CABIN1: variants seen among roughly 807,000 people sequenced by gnomAD.
CABIN1 encodes calcineurin-binding protein cabin-1.
CABIN1 carries 133 observed loss-of-function variants against 227.7 expected under a neutral mutation model. The ratio of observed to expected loss-of-function variants is 0.58; its 90% CI spans 0.51 to 0.67. The LOEUF is 0.67. Ranked by LOEUF, CABIN1 falls within the 30% of genes least tolerant of loss-of-function variation. The pLI, the probability that CABIN1 is intolerant of heterozygous loss-of-function variation, is 0.00. For synonymous variants in CABIN1, 1,086 were observed against 1,155.1 expected (o/e 0.94, Z 1.21); for missense variants, 2,408 against 2,852.5 (o/e 0.84, Z 3.55).
chr22:24,124,206 T>C (rs542799271), intron 28 of CABIN1, among the ~76,000 whole-genome samples: 1 of 152,232 alleles, frequency 6.6e-6, no homozygotes, highest in African/African-American at 2.4e-5. Flanking sequence ...AGCAGAATTA[T>C]TGTGTTAATG....
rs2034790194 is a variant in CABIN1 at position 24,011,328 on chromosome 22, G to C, written c.-114G>C. On this transcript the variant is annotated 5_prime_UTR_variant, in exon 1 of 37. Transcript: ENST00000263119. ...TGTCAGGCGCGCAGCCGGACGGCGCGGTGGTCGGGACAGACTGGCCGTTGC... is the reference window on the plus strand; with the variant it reads ...TGTCAGGCGCGCAGCCGGACGGCGCCGTGGTCGGGACAGACTGGCCGTTGC... The C allele has an allele frequency of 6.6e-6, 1 of 152,380 alleles. No homozygotes were observed. Among genetic ancestry groups the C allele is most frequent in the South Asian group, 2.1e-4 (1 of 4,834 alleles). 9.4% of individuals were successfully genotyped at this position (152,380 alleles called of 1,614,324 possible).
Position 24,059,233 on chromosome 22 carries a change from A to G in CABIN1, c.1269A>G (p.Arg423=). The change falls in exon 11 of 37, where the codon AGA becomes AGG. Residue 423 remains arginine, a synonymous_variant. Coordinates refer to ENST00000263119, the MANE Select transcript of CABIN1 (RefSeq NM_012295.4). The part of the protein sequence containing the change: ...LLMKFLPSRL[R]KLDPEEEDDS... The stretch of plus-strand genomic sequence containing the variant: ...TTTGGCATGTTACATGCAGGTTAAG[A>G]AAGCTGGACCCTGAGGAGGAAGATG... 1 of 1,614,234 alleles carries G rather than the reference A, an allele frequency of 6.2e-7. No individual in the cohort carries two copies. Among genetic ancestry groups the G allele is most frequent in the Non-Finnish European group, 8.5e-7 (1 of 1,180,048 alleles).
At chr22:24,072,320 GACAC>G in intron 17 of CABIN1, 30 bp from the exon 18 acceptor site, 1 of 1,613,744 alleles carries the variant, frequency 6.2e-7, no homozygotes, top group Admixed American at 1.7e-5. Flanking sequence ...ACCCTGCTGT[GACAC>G]TTCTGCTGTC....
intron 25 of CABIN1, among the ~76,000 whole-genome samples, chr22:24,097,410 T>G (rs1347293565): frequency 6.6e-6 from 1 of 152,182 alleles, no homozygotes; most frequent in Admixed American, 6.5e-5. Flanking sequence ...AGGTATTGTT[T>G]TAGAGTTTGC....
In CABIN1 at chr22:24,173,527, A is replaced by G. The variant is rs934822352; in HGVS notation, c.6040+1532A>G. The G allele has an allele frequency of 4.9e-4, 75 of 152,338 alleles. 1 individual carries two copies. Among genetic ancestry groups the G allele is most frequent in the African/African-American group, 1.7e-3 (70 of 41,570 alleles). 9.4% of individuals were successfully genotyped at this position (152,338 alleles called of 1,614,324 possible). A position where few individuals can be genotyped will look rare whatever the true frequency, so the allele number is the denominator to read the frequency against. On this transcript the variant is annotated intron_variant, in intron 34 of 36. Transcript: ENST00000263119. Reference sequence around the variant, plus strand: ...GAGGAGCCTGTGAAGGCTTCAGGACAAAGAGCCGTAAAAGAAGTGTAGTGC... The same window carrying G: ...GAGGAGCCTGTGAAGGCTTCAGGACGAAGAGCCGTAAAAGAAGTGTAGTGC...
chr22:24,060,013 C>A lies in CABIN1; in HGVS notation c.1489C>A (p.His497Asn), dbSNP rs780967520. 7 of 1,614,166 alleles carry A rather than the reference C, an allele frequency of 4.3e-6. No individual in the cohort carries two copies. Among genetic ancestry groups the A allele is most frequent in the Admixed American group, 1.7e-5 (1 of 60,014 alleles). The change falls in exon 12 of 37, where the codon CAC (histidine) becomes AAC (asparagine). Residue 497 changes from histidine (H) to asparagine (N), a missense_variant. Physicochemically the swap from His to Asn is moderately conservative, Grantham distance 68. Coordinates refer to ENST00000263119, the MANE Select transcript of CABIN1 (RefSeq NM_012295.4). ...LMMRYLKAMGHKFLVRWPPGL... is the reference protein window; with the variant it reads ...LMMRYLKAMGNKFLVRWPPGL... Reference sequence around the variant, plus strand: ...GATGCGCTACCTGAAAGCCATGGGCCACAAGTTCTTGGTAAGGTGGCCTCC... The same window carrying A: ...GATGCGCTACCTGAAAGCCATGGGCAACAAGTTCTTGGTAAGGTGGCCTCC...
At chr22:24,046,461 GTC>G (rs1398462113) in intron 6 of CABIN1, among the ~76,000 whole-genome samples, 1 of 152,082 alleles carries the variant, frequency 6.6e-6, no homozygotes, top group African/African-American at 2.4e-5. Context: ...GAGGCTTTGA[GTC>G]TCTTCTTGGG....
chr22:24,173,988 GTTT>G (rs201370185), intron 34 of CABIN1, among the ~76,000 whole-genome samples: 1 of 141,794 alleles, frequency 7.1e-6, no homozygotes, highest in East Asian at 2.0e-4. Context: ...CTTGGTATGG[GTTT>G]TTTTTTTTTT....
At chr22:24,014,663 C>G (rs543074080) in intron 1 of CABIN1, among the ~76,000 whole-genome samples, 3 of 152,218 alleles carry the variant, frequency 2.0e-5, no homozygotes, top group East Asian at 3.9e-4. Flanking sequence ...TTGAGTTCCC[C>G]CTGCATCCTA....
rs1485975575 is a variant in CABIN1, at chr22:24,178,472, G to A, written c.*276G>A. The A allele has an allele frequency of 4.1e-6, 2 of 485,320 alleles. No homozygotes were observed. The highest frequency in any genetic ancestry group is 2.1e-5 in the South Asian group (1 of 47,492). The allele number at this position is 485,320 out of a possible 1,614,324, so 30.1% of individuals were successfully genotyped here. ...CAGGCGGCATCCTTTTCTATGAAGT[G>A]TTGACTTTGTAAATCTGCCCACACC... On this transcript the variant is annotated 3_prime_UTR_variant, in exon 37 of 37. Transcript: ENST00000263119.
At chr22:24,078,636 C>T (rs904522294) in intron 19 of CABIN1, among the ~76,000 whole-genome samples, 1 of 152,168 alleles carries the variant, frequency 6.6e-6, no homozygotes, top group African/African-American at 2.4e-5. Context: ...CTGTTCATCT[C>T]CACACAGCTC....
At chr22:24,117,545 TGG>T (rs695452) in intron 27 of CABIN1, among the ~76,000 whole-genome samples, 7 of 142,362 alleles carry the variant, frequency 4.9e-5, no homozygotes, top group African/African-American at 1.8e-4. Flanking sequence ...TTTGTTTTTT[TGG>T]GGGGGGGGTT....
At position 24,098,162 on chromosome 22, in the gene CABIN1, A is replaced by G. The variant is rs763603720; in HGVS notation, c.4087A>G (p.Lys1363Glu). 1 of 1,614,110 alleles carries G rather than the reference A, an allele frequency of 6.2e-7. No individual in the cohort carries two copies. Among genetic ancestry groups the G allele is most frequent in the Admixed American group, 1.7e-5 (1 of 60,026 alleles). ...TPIDHDYVKC[K>E]KPHQQATPDD... is the part of the protein sequence containing the mutation. Reference sequence around the variant, plus strand: ...GATTGACCACGATTACGTCAAATGTAAAAAACCCCACCAGCAGGCAACGCC... The same window carrying G: ...GATTGACCACGATTACGTCAAATGTGAAAAACCCCACCAGCAGGCAACGCC... Residue 1363 changes from lysine to glutamate, a missense_variant, in exon 26 of 37, where the codon AAA becomes GAA. Lys to Glu is a moderately conservative substitution (Grantham distance 56). This residue lies in a region of CABIN1 where 649 missense variants were observed against 910.3 expected (regional missense o/e 0.71). Transcript: ENST00000263119.
chr22:24,171,031 T>C (rs911074899), intron 33 of CABIN1, among the ~76,000 whole-genome samples: 1 of 152,082 alleles, frequency 6.6e-6, no homozygotes, highest in Non-Finnish European at 1.5e-5. Flanking sequence ...GGAGCAAAAG[T>C]AGCCCTGTGA....
At position 24,092,903 on chromosome 22, in the gene CABIN1, C is replaced by T. The variant is rs573301042; in HGVS notation, c.3786+1060C>T. On this transcript the variant is annotated intron_variant, in intron 24 of 36. Coordinates refer to ENST00000263119, the MANE Select transcript of CABIN1 (RefSeq NM_012295.4). Reference sequence around the variant, plus strand: ...CTTATGATTTTGCAGCTTGTCTTTTCGCTGGACAAAATTTAATGGAAGGTG... The same window carrying T: ...CTTATGATTTTGCAGCTTGTCTTTTTGCTGGACAAAATTTAATGGAAGGTG... Among the ~76,000 whole-genome samples, 5 of 152,208 alleles carry T rather than the reference C, an allele frequency of 3.3e-5. No individual in the cohort carries two copies. In the South Asian group the frequency reaches 8.3e-4, roughly 25 times the overall value.
Position 24,166,622 on chromosome 22 carries a change from C to T in CABIN1, c.5008-17C>T, listed in dbSNP as rs1440288557. The T allele has an allele frequency of 6.2e-7, 1 of 1,612,570 alleles. No homozygotes were observed. The highest frequency in any genetic ancestry group is 8.5e-7 in the Non-Finnish European group (1 of 1,179,896). ...AGACACCAGCGACACAGCTTCTTAC[C>T]TTTGGTTTCTTTGTAGGGGTCAGAA... On this transcript the variant is annotated splice_polypyrimidine_tract_variant and intron_variant, in intron 31 of 36. Coordinates refer to ENST00000263119, the MANE Select transcript of CABIN1 (RefSeq NM_012295.4).
chr22:24,100,772 A>G (rs555356785), intron 26 of CABIN1, among the ~76,000 whole-genome samples: 121 of 152,318 alleles, frequency 7.9e-4, no homozygotes, highest in Non-Finnish European at 1.4e-3. Flanking sequence ...TCCCAGCTCC[A>G]TTGCATATGT....
intron 29 of CABIN1, among the ~76,000 whole-genome samples, chr22:24,142,101 G>A (rs1398180195): frequency 6.6e-6 from 1 of 152,070 alleles, no homozygotes; most frequent in Non-Finnish European, 1.5e-5. Context: ...AACCTTGGAG[G>A]AACCCCCTCC....
Position 24,177,986 on chromosome 22 carries a change from G to A in CABIN1, c.6520-67G>A. On this transcript the variant is annotated intron_variant, in intron 36 of 36. Coordinates refer to ENST00000263119, the MANE Select transcript of CABIN1 (RefSeq NM_012295.4). This position sits in a 1 kb window ranked among gnomAD's most constrained non-coding sequence, Gnocchi z 4.4. ...AGGGGGGCCTGGGGCAGGGGTGAAG[G>A]TGGCAGAGGGGCTTGGGGCAGAGCC... is the stretch of plus-strand genomic sequence containing the variant. 1 of 1,608,050 alleles carries A rather than the reference G, an allele frequency of 6.2e-7. No homozygotes were observed. The highest frequency in any genetic ancestry group is 1.1e-5 in the South Asian group (1 of 90,882).
Sources: gnomAD v4.1 joint callset for allele counts (sites outside exome capture counted in the v4.1 genomes callset) on GRCh38, gnomAD v4.1.1 for gene constraint, gnomAD v4.1.1 regional missense constraint, Gnocchi (gnomAD v3.1) non-coding constraint, MANE v1.5 for transcripts, NCBI Gene and HGNC (gene_info 2026-07-23, HGNC 2026-07-21) for gene names.